RBFOX1: variants seen among roughly 807,000 people sequenced by gnomAD.
RBFOX1 encodes RNA binding fox-1 homolog 1, also known as RNA binding protein fox-1 homolog 1.
In RBFOX1, 8 loss-of-function variants were observed where a neutral mutation model predicts 57.7. The observed-to-expected ratio is 0.14, with a 90% CI of 0.08 to 0.25. RBFOX1 has a LOEUF of 0.25. Ranked by LOEUF, RBFOX1 falls within the 10% of genes least tolerant of loss-of-function variation. RBFOX1 has a pLI of 1.00. For synonymous variants in RBFOX1, 326 were observed against 222.4 expected (o/e 1.47, Z -4.15); for missense variants, 611 against 548.5 (o/e 1.11, Z -1.14).
intron 4 of RBFOX1, among the ~76,000 whole-genome samples, chr16:7,175,984 G>T (rs1401195675): frequency 6.6e-6 from 1 of 151,970 alleles, no homozygotes; most frequent in Non-Finnish European, 1.5e-5. Context: ...TAAGTATCTG[G>T]GAGGTGCGTG....
intron 2 of RBFOX1, among the ~76,000 whole-genome samples, chr16:5,487,544 C>T (rs761963022): frequency 4.6e-5 from 7 of 152,126 alleles, no homozygotes; most frequent in Admixed American, 2.0e-4. Flanking sequence ...TGGTCTTGGT[C>T]TCTGTTCTTG....
chr16:7,532,906 GTT>G (rs1172283816), intron 5 of RBFOX1, among the ~76,000 whole-genome samples: 1 of 152,202 alleles, frequency 6.6e-6, no homozygotes, highest in African/African-American at 2.4e-5. Flanking sequence ...TGTACATATT[GTT>G]GGCCTGCTGG....
chr16:5,595,733 C>T (rs1478211435), intron 2 of RBFOX1, among the ~76,000 whole-genome samples: 1 of 152,148 alleles, frequency 6.6e-6, no homozygotes, highest in African/African-American at 2.4e-5. Flanking sequence ...CCAACTCAGT[C>T]AGACTTAGAA....
At chr16:6,686,437 T>G (rs1031545892) in intron 3 of RBFOX1, among the ~76,000 whole-genome samples, 1 of 152,204 alleles carries the variant, frequency 6.6e-6, no homozygotes, top group Non-Finnish European at 1.5e-5. Context: ...AGGCCTCCGT[T>G]GTACTCACAA....
intron 4 of RBFOX1, among the ~76,000 whole-genome samples, chr16:7,506,758 C>T (rs1360201991): frequency 1.3e-5 from 2 of 152,108 alleles, no homozygotes; most frequent in African/African-American, 2.4e-5. Context: ...ATTTGTTTAG[C>T]ACCTCAGTTT....
intron 3 of RBFOX1, among the ~76,000 whole-genome samples, chr16:6,883,949 C>A (rs2063451843): frequency 6.6e-6 from 1 of 152,128 alleles, no homozygotes; most frequent in African/African-American, 2.4e-5. Context: ...TTGCTACTTG[C>A]CACGGTCCAA....
intron 3 of RBFOX1, among the ~76,000 whole-genome samples, chr16:6,783,350 A>G (rs1237215988): frequency 6.8e-6 from 1 of 147,982 alleles, no homozygotes; most frequent in Non-Finnish European, 1.5e-5. Flanking sequence ...CTTTCTATAT[A>G]AGCAATTTTC....
chr16:5,345,907 C>G (rs892291585), intron 1 of RBFOX1, among the ~76,000 whole-genome samples: 1 of 152,194 alleles, frequency 6.6e-6, no homozygotes, highest in Non-Finnish European at 1.5e-5. Context: ...CAGAAGCTCC[C>G]CAACCATATT....
intron 3 of RBFOX1, among the ~76,000 whole-genome samples, chr16:6,861,826 T>TG (rs1186211806): frequency 6.7e-6 from 1 of 148,700 alleles, no homozygotes; most frequent in Non-Finnish European, 1.5e-5. Flanking sequence ...TCCCTTGGTT[T>TG]TTTTTTTTTT....
chr16:6,829,254 A>G (rs1039510562), intron 3 of RBFOX1, among the ~76,000 whole-genome samples: 1 of 152,128 alleles, frequency 6.6e-6, no homozygotes, highest in African/African-American at 2.4e-5. Context: ...CAGAAAAAAA[A>G]AAAAAATAGC....
chr16:6,530,432 A>G (rs1197309035), intron 2 of RBFOX1, among the ~76,000 whole-genome samples: 1 of 152,188 alleles, frequency 6.6e-6, no homozygotes, highest in Admixed American at 6.5e-5. Context: ...CTGTAGCAAC[A>G]TTGTTGCTAT....
chr16:5,757,291 G>C lies in RBFOX1; in HGVS notation c.319-110012G>C, dbSNP rs865956483. ...TCTGTTGCCAGGCTGGAGTGCAGTG[G>C]TGCAATCTTGGTTCACTGCAACGCT... On this transcript the variant is annotated intron_variant, in intron 3 of 19. Transcript: ENST00000641259. 7.3e-5 allele frequency among the ~76,000 whole-genome samples: 11 copies of C among 150,520 alleles called. No individual in the cohort carries two copies. The Middle Eastern group carries it at 0.01, about 141-fold the overall frequency.
Position 6,573,753 on chromosome 16 carries a change from G to C in RBFOX1, c.-63-80850G>C, listed in dbSNP as rs1327339650. 8 of 152,364 alleles carry C rather than the reference G, an allele frequency of 5.3e-5. No individual in the cohort carries two copies. In the East Asian group the frequency reaches 9.7e-4, roughly 18 times the overall value. The allele number at this position is 152,364 out of a possible 1,614,324, so 9.4% of individuals were successfully genotyped here. On this transcript the variant is annotated intron_variant, in intron 2 of 15. Coordinates refer to ENST00000550418, the MANE Select transcript of RBFOX1 (RefSeq NM_018723.4). ...AGGCACGGGCGCGAAGCCCGGCTGC[G>C]GGAGAGCTGGGAGCCTGAATGTCGC...
At chr16:7,531,045 C>T (rs879797403) in intron 5 of RBFOX1, among the ~76,000 whole-genome samples, 1 of 152,156 alleles carries the variant, frequency 6.6e-6, no homozygotes, top group African/African-American at 2.4e-5. Context: ...GCCTGTACCA[C>T]TCAAAACAAA....
chr16:6,049,195 C>T (rs1451503770), intron 1 of RBFOX1, among the ~76,000 whole-genome samples: 1 of 151,546 alleles, frequency 6.6e-6, no homozygotes, highest in Non-Finnish European at 1.5e-5. Flanking sequence ...TCCCAAGTAG[C>T]TGGGATTACA....
intron 11 of RBFOX1, among the ~76,000 whole-genome samples, chr16:7,650,400 T>C (rs891344486): frequency 6.6e-6 from 1 of 152,030 alleles, no homozygotes; most frequent in African/African-American, 2.4e-5. Context: ...CTTCCTGTGT[T>C]CTTTTCACAA....
chr16:5,740,526 C>T (rs1028473301), intron 3 of RBFOX1, among the ~76,000 whole-genome samples: 9 of 152,198 alleles, frequency 5.9e-5, no homozygotes, highest in Admixed American at 1.3e-4. Context: ...ATTGATTACA[C>T]GTGACTGAAA....
intron 4 of RBFOX1, among the ~76,000 whole-genome samples, chr16:7,481,099 C>G (rs1342249053): frequency 6.6e-6 from 1 of 152,112 alleles, no homozygotes; most frequent in Non-Finnish European, 1.5e-5. Context: ...TGGACAGTTG[C>G]CCTCCATCTC....
At chr16:6,887,955 C>T (rs919208615) in intron 3 of RBFOX1, among the ~76,000 whole-genome samples, 1 of 152,124 alleles carries the variant, frequency 6.6e-6, no homozygotes, top group Admixed American at 6.5e-5. Flanking sequence ...AGCCACCACG[C>T]CTGTCCCATC....
Sources: allele counts gnomAD v4.1 joint callset (sites outside exome capture counted in the v4.1 genomes callset), GRCh38; gene constraint gnomAD v4.1.1; transcripts MANE v1.5; gene names NCBI Gene and HGNC (gene_info 2026-07-23, HGNC 2026-07-21).